Variants in FHIP1A observed in about 807,000 individuals in gnomAD.
FHIP1A encodes the protein FHF complex subunit HOOK-interacting protein 1A.
FHIP1A carries 61 observed loss-of-function variants against 88.6 expected under a neutral mutation model. The ratio of observed to expected loss-of-function variants is 0.69; its 90% CI spans 0.56 to 0.85. FHIP1A has a LOEUF of 0.85. Among genes scored for constraint, FHIP1A ranks in the 40% least tolerant of loss-of-function variants. The pLI, the probability that FHIP1A is intolerant of heterozygous loss-of-function variation, is 0.00. For synonymous variants in FHIP1A, 478 were observed against 496.0 expected, an observed-to-expected ratio of 0.96 and a Z score of 0.48; for missense variants, 1,154 against 1,273.5, an observed-to-expected ratio of 0.91 and a Z score of 1.43.
intron 1 of FHIP1A, among the ~76,000 whole-genome samples, chr4:151,434,811 T>C (rs78975705): frequency 6.6e-6 from 1 of 152,176 alleles, no homozygotes; most frequent in Non-Finnish European, 1.5e-5. Flanking sequence ...TATTGAGTAA[T>C]GAGTAGGTCA....
At chr4:151,504,966 A>C (rs1452499706) in intron 3 of FHIP1A, among the ~76,000 whole-genome samples, 1 of 152,166 alleles carries the variant, frequency 6.6e-6, no homozygotes. Context: ...TCAGGACTCT[A>C]CTATCAGAGA....
intron 1 of FHIP1A, among the ~76,000 whole-genome samples, chr4:151,447,212 G>C (rs1728640897): frequency 1.3e-5 from 2 of 152,106 alleles, no homozygotes; most frequent in African/African-American, 4.8e-5. Context: ...ACAAAAGTGT[G>C]AAAATGAACT....
intron 3 of FHIP1A, among the ~76,000 whole-genome samples, chr4:151,504,153 T>C (rs1730745163): frequency 6.6e-6 from 1 of 152,222 alleles, no homozygotes. Context: ...TTTTAAAATA[T>C]ATATCTCCCT....
At chr4:151,543,673 T>C (rs1009449740) in intron 3 of FHIP1A, among the ~76,000 whole-genome samples, 1 of 152,210 alleles carries the variant, frequency 6.6e-6, no homozygotes, top group African/African-American at 2.4e-5. Context: ...TAATTTTGCA[T>C]CTTGCTTTTT....
chr4:151,468,324 AC>A (rs1482754078), intron 2 of FHIP1A, among the ~76,000 whole-genome samples: 1 of 150,568 alleles, frequency 6.6e-6, no homozygotes. Context: ...CAAATTTGTG[AC>A]TAGATCTCCT....
At chr4:151,448,129 G>A (rs1025102899) in intron 1 of FHIP1A, among the ~76,000 whole-genome samples, 1 of 151,812 alleles carries the variant, frequency 6.6e-6, no homozygotes, top group Non-Finnish European at 1.5e-5. Context: ...ATGTTGGCCA[G>A]GCTGCTCTTG....
intron 7 of FHIP1A, among the ~76,000 whole-genome samples, chr4:151,616,444 C>CTTTTTTTTTTT (rs763599410): frequency 7.1e-5 from 8 of 113,388 alleles, no homozygotes; most frequent in Admixed American, 8.9e-5. Flanking sequence ...TTCTTTCTTT[C>CTTTTTTTTTTT]TTTTTTTTTT....
At chr4:151,514,867 C>G (rs1262355644) in intron 3 of FHIP1A, among the ~76,000 whole-genome samples, 2 of 152,114 alleles carry the variant, frequency 1.3e-5, no homozygotes, top group African/African-American at 2.4e-5. Flanking sequence ...CCGAATTCTA[C>G]CAGAGGTACA....
chr4:151,439,810 T>C (rs1463413671), intron 1 of FHIP1A, among the ~76,000 whole-genome samples: 1 of 152,190 alleles, frequency 6.6e-6, no homozygotes, highest in Non-Finnish European at 1.5e-5. Context: ...CCTAGCTTCA[T>C]TTAGTTTTTG....
At chr4:151,506,963 C>G (rs967831645) in intron 3 of FHIP1A, among the ~76,000 whole-genome samples, 2 of 152,116 alleles carry the variant, frequency 1.3e-5, no homozygotes, top group Admixed American at 1.3e-4. Flanking sequence ...AAAAATAAAT[C>G]AAATATGACA....
chr4:151,659,144 C>T (rs1251424157), intron 13 of FHIP1A, among the ~76,000 whole-genome samples: 2 of 152,188 alleles, frequency 1.3e-5, no homozygotes, highest in African/African-American at 2.4e-5. Context: ...GGGTTCCATG[C>T]TCCTTAAGTA....
At chr4:151,542,823 CA>C (rs1732347193) in intron 3 of FHIP1A, among the ~76,000 whole-genome samples, 1 of 152,192 alleles carries the variant, frequency 6.6e-6, no homozygotes, top group South Asian at 2.1e-4. Context: ...TGCTTGAGAT[CA>C]AATGCTGGTT....
At position 151,546,155 on chromosome 4, in the gene FHIP1A, G is replaced by GTC. The variant is rs1213416786; in HGVS notation, c.-122-19970_-122-19969dup. ...AGAGAAAAGGTGATTTCCTCTCTCT[G>GTC]TCTCTCTCTCTCTCCTGAAGCTGAG... On this transcript the variant is annotated intron_variant, in intron 3 of 13. Coordinates refer to ENST00000435205, the MANE Select transcript of FHIP1A (RefSeq NM_001109977.3). Among the ~76,000 whole-genome samples the GTC allele has an allele frequency of 3.3e-5, 5 of 151,936 alleles. No individual in the cohort carries two copies. In the East Asian group the frequency reaches 5.8e-4, roughly 18 times the overall value.
chr4:151,646,336 G>A (rs987844240), intron 9 of FHIP1A, among the ~76,000 whole-genome samples: 2 of 152,188 alleles, frequency 1.3e-5, no homozygotes, highest in Admixed American at 1.3e-4. Context: ...AGTTCCTGGA[G>A]ATTGAATTAT....
At chr4:151,654,951 G>A (rs1737173062) in intron 11 of FHIP1A, among the ~76,000 whole-genome samples, 1 of 152,188 alleles carries the variant, frequency 6.6e-6, no homozygotes, top group Admixed American at 6.5e-5. Flanking sequence ...TGTTCCTGGA[G>A]ACAGGGATAT....
At chr4:151,458,409 C>T (rs1729038487) in intron 2 of FHIP1A, among the ~76,000 whole-genome samples, 1 of 152,068 alleles carries the variant, frequency 6.6e-6, no homozygotes, top group African/African-American at 2.4e-5. Flanking sequence ...GTGGTGTGAA[C>T]AGGCTCTAGG....
intron 1 of FHIP1A, among the ~76,000 whole-genome samples, chr4:151,454,014 CGTT>C (rs1728885670): frequency 6.6e-6 from 1 of 152,028 alleles, no homozygotes; most frequent in Non-Finnish European, 1.5e-5. Context: ...ACCAAATATT[CGTT>C]ATTACAGGTA....
chr4:151,489,532 A>C (rs1730208787), intron 3 of FHIP1A, among the ~76,000 whole-genome samples: 1 of 152,184 alleles, frequency 6.6e-6, no homozygotes. Flanking sequence ...GGGAGGGGCA[A>C]GGCCTGAGAG....
At chr4:151,530,722 A>G (rs1454924882) in intron 3 of FHIP1A, among the ~76,000 whole-genome samples, 1 of 152,124 alleles carries the variant, frequency 6.6e-6, no homozygotes, top group African/African-American at 2.4e-5. Flanking sequence ...TGTAGTGACT[A>G]ACAAACAGTA....
Sources: gnomAD v4.1 joint callset for allele counts (sites outside exome capture counted in the v4.1 genomes callset) on GRCh38, gnomAD v4.1.1 for gene constraint, MANE v1.5 for transcripts, NCBI Gene and HGNC (gene_info 2026-07-23, HGNC 2026-07-21) for gene names.